TENM1: variants seen among roughly 807,000 people sequenced by gnomAD.
TENM1 encodes teneurin transmembrane protein 1.
In TENM1, 35 loss-of-function variants were observed where a neutral mutation model predicts 174.8. The observed-to-expected ratio is 0.20, with a 90% confidence interval of 0.15 to 0.27. The LOEUF (loss-of-function observed/expected upper bound fraction) is 0.27, where lower values mean the gene tolerates loss of function less well. Ranked by LOEUF, TENM1 falls within the 10% of genes least tolerant of loss-of-function variation. TENM1 has a pLI of 1.00. For missense variants in TENM1, 1,633 were observed against 2,130.1 expected (o/e 0.77, Z 4.59); for synonymous variants, 781 against 798.7 (o/e 0.98, Z 0.37).
chrX:124,837,181 C>T (rs781365074), intron 3 of TENM1, among the ~76,000 whole-genome samples: 36 of 112,236 alleles, frequency 3.2e-4, no homozygotes, highest in Non-Finnish European at 5.3e-4. Flanking sequence ...CTGTGCCTCC[C>T]GGGTTCAAGT....
chrX:124,752,172 G>A (rs374888978), intron 3 of TENM1, among the ~76,000 whole-genome samples: 8 of 111,283 alleles, frequency 7.2e-5, no homozygotes, highest in Non-Finnish European at 1.3e-4. Context: ...TGACTTTTTA[G>A]TGATTGCCAT....
rs141048741 is a variant in TENM1 at position 124,840,517 on chromosome X, T to C, written c.535+53779A>G. On this transcript the variant is annotated intron_variant, in intron 3 of 31. Transcript: ENST00000422452. ...TCTGAGTACAAATTATGGGTACATA[T>C]TGTGTTAGATGGTTAATTTTAGAAA... is the stretch of plus-strand genomic sequence containing the variant. 8.9e-3 allele frequency among the ~76,000 whole-genome samples: 990 copies of C among 111,239 alleles called. 7 individuals are homozygous for C. Among genetic ancestry groups the C allele is most frequent in the African/African-American group, 0.03 (926 of 30,598 alleles).
chrX:125,088,881 G>A, the TENM1 span, among the ~76,000 whole-genome samples: 1 of 111,334 alleles, frequency 9.0e-6, no homozygotes, highest in Non-Finnish European at 1.9e-5. Flanking sequence ...ACTCATGACA[G>A]TAGGAAATAA....
chrX:124,527,649 T>C (rs774478435), intron 16 of TENM1, among the ~76,000 whole-genome samples: 12 of 106,054 alleles, frequency 1.1e-4, no homozygotes, highest in African/African-American at 3.8e-4. Context: ...TTTTCTTTTT[T>C]CTTTTTTTTT....
At chrX:124,583,750 G>A (rs1411907015) in intron 11 of TENM1, among the ~76,000 whole-genome samples, 1 of 111,478 alleles carries the variant, frequency 9.0e-6, no homozygotes, top group Admixed American at 9.6e-5. Flanking sequence ...GCTACAGGAG[G>A]AAATTAAAAC....
chrX:124,463,877 G>GTGTGTGGA (rs781695591), intron 22 of TENM1, among the ~76,000 whole-genome samples: 1 of 96,883 alleles, frequency 1.0e-5, no homozygotes, highest in Non-Finnish European at 2.1e-5. Flanking sequence ...GTGTGTGTGT[G>GTGTGTGGA]GAGAGAGAGA....
rs200677315 is a variant in TENM1 at position 124,920,926 on chromosome X, AT to A, written c.218-24686del. On this transcript the variant is annotated intron_variant, in intron 1 of 31. Transcript: ENST00000422452. The stretch of plus-strand genomic sequence containing the variant: ...CAATTTTTACATTATCAAATCTGTC[AT>A]TTTTTTTTCCTTTATGGGTTCTGGG... 4.9e-3 allele frequency among the ~76,000 whole-genome samples: 439 copies of A among 90,329 alleles called. 2 individuals carry two copies. Among genetic ancestry groups the A allele is most frequent in the African/African-American group, 0.017 (415 of 24,507 alleles). 78.4% of individuals were successfully genotyped at this position (90,329 alleles called of 115,157 possible). A position where few individuals can be genotyped will look rare whatever the true frequency, so the allele number is the denominator to read the frequency against.
At chrX:124,507,601 T>C (rs763540269) in intron 18 of TENM1, among the ~76,000 whole-genome samples, 3 of 111,923 alleles carry the variant, frequency 2.7e-5, no homozygotes, top group African/African-American at 9.7e-5. Flanking sequence ...AATAACTGAA[T>C]GTTCATTCTA....
At chrX:124,729,638 G>A (rs186030740) in intron 4 of TENM1, among the ~76,000 whole-genome samples, 28 of 112,322 alleles carry the variant, frequency 2.5e-4, no homozygotes, top group African/African-American at 8.7e-4. Context: ...CAAGGCTGAC[G>A]TCTGAGTAAG....
chrX:124,441,288 G>C (rs1368451718), intron 23 of TENM1, among the ~76,000 whole-genome samples: 2 of 112,104 alleles, frequency 1.8e-5, no homozygotes, highest in African/African-American at 6.5e-5. Context: ...AGAGAAGTTT[G>C]GTAAAACATG....
intron 18 of TENM1, among the ~76,000 whole-genome samples, chrX:124,504,295 G>A (rs1488972685): frequency 1.8e-5 from 2 of 112,242 alleles, no homozygotes; most frequent in Admixed American, 9.5e-5. Context: ...CTTTGTGCAC[G>A]TTATGTTTTG....
chrX:124,700,814 A>G (rs2052758516), intron 5 of TENM1, among the ~76,000 whole-genome samples: 1 of 111,539 alleles, frequency 9.0e-6, no homozygotes, highest in South Asian at 3.8e-4. Context: ...GGCGGACAAA[A>G]TGAACACACA....
intron 27 of TENM1, among the ~76,000 whole-genome samples, chrX:124,394,372 G>C (rs1243112020): frequency 9.0e-6 from 1 of 111,603 alleles, no homozygotes; most frequent in Non-Finnish European, 1.9e-5. Context: ...ATACTCTTAG[G>C]GGGGCTTTGA....
At chrX:124,488,307 T>C (rs929012216) in intron 20 of TENM1, among the ~76,000 whole-genome samples, 4 of 112,640 alleles carry the variant, frequency 3.6e-5, no homozygotes, top group Non-Finnish European at 7.5e-5. Flanking sequence ...TTTGAAAACA[T>C]AGAGATAACC....
At chrX:124,562,891 G>A (rs940295568) in intron 13 of TENM1, among the ~76,000 whole-genome samples, 5 of 111,894 alleles carry the variant, frequency 4.5e-5, no homozygotes, top group Non-Finnish European at 9.4e-5. Context: ...ACAAAAAAAA[G>A]ATTAAAAAAT....
chrX:124,498,895 G>A (rs778434102), intron 19 of TENM1, among the ~76,000 whole-genome samples: 1 of 111,169 alleles, frequency 9.0e-6, no homozygotes, highest in South Asian at 3.9e-4. Context: ...ATCATTATAA[G>A]TGCTCGGTAA....
At chrX:124,657,962 C>A (rs769045189) in intron 6 of TENM1, among the ~76,000 whole-genome samples, 79 of 112,101 alleles carry the variant, frequency 7.0e-4, no homozygotes, top group Non-Finnish European at 1.1e-3. Flanking sequence ...CCAAATTAGA[C>A]CTAGTGTGTG....
the TENM1 span, among the ~76,000 whole-genome samples, chrX:124,996,034 T>A: frequency 1.8e-5 from 2 of 111,286 alleles, no homozygotes; most frequent in African/African-American, 6.5e-5. Flanking sequence ...CTAAGTGAAA[T>A]AATAAAGAAA....
intron 6 of TENM1, among the ~76,000 whole-genome samples, chrX:124,667,642 G>T (rs1315621053): frequency 9.1e-6 from 1 of 109,606 alleles, no homozygotes; most frequent in Admixed American, 9.8e-5. Flanking sequence ...TGTAGTGAGG[G>T]ACTATTTTGG....
Sources: gnomAD v4.1 joint callset for allele counts (sites outside exome capture counted in the v4.1 genomes callset) on GRCh38, gnomAD v4.1.1 for gene constraint, MANE v1.5 for transcripts, NCBI Gene and HGNC (gene_info 2026-07-23, HGNC 2026-07-21) for gene names.